Variants in TOP6BL observed in about 807,000 individuals in gnomAD.
TOP6BL encodes type 2 DNA topoisomerase 6 subunit B-like.
chr11:66,842,285 T>A, the TOP6BL span, among the ~76,000 whole-genome samples: 1 of 152,224 alleles, frequency 6.6e-6, no homozygotes, highest in African/African-American at 2.4e-5. Context: ...TTCTCTATTC[T>A]AACCCTGGGC....
At chr11:66,788,465 G>A in the TOP6BL span, among the ~76,000 whole-genome samples, 1 of 152,196 alleles carries the variant, frequency 6.6e-6, no homozygotes, top group Non-Finnish European at 1.5e-5. Flanking sequence ...GTCCCACTCT[G>A]AGTGATTGTG....
At chr11:66,816,487 T>G in the TOP6BL span, among the ~76,000 whole-genome samples, 3 of 152,230 alleles carry the variant, frequency 2.0e-5, no homozygotes, top group African/African-American at 7.2e-5. Flanking sequence ...ATATATTACC[T>G]GGAGAGCATC....
chr11:66,775,362 CAA>C, the TOP6BL span, among the ~76,000 whole-genome samples: 5 of 152,074 alleles, frequency 3.3e-5, no homozygotes, highest in Admixed American at 6.6e-5. Flanking sequence ...GGCTATAAGC[CAA>C]AGTCTGCCTG....
chr11:66,778,695 G>A, the TOP6BL span, among the ~76,000 whole-genome samples: 4 of 152,000 alleles, frequency 2.6e-5, no homozygotes, highest in Non-Finnish European at 5.9e-5. Context: ...AAAAGAACCC[G>A]CATTGCCAAG....
the TOP6BL span, among the ~76,000 whole-genome samples, chr11:66,770,272 C>T: frequency 3.3e-5 from 5 of 152,142 alleles, no homozygotes; most frequent in Non-Finnish European, 5.9e-5. Flanking sequence ...GTTTAAGCTA[C>T]CTAGTTTATG....
At chr11:66,757,628 C>T in the TOP6BL span, among the ~76,000 whole-genome samples, 15 of 152,122 alleles carry the variant, frequency 9.9e-5, no homozygotes, top group African/African-American at 3.1e-4. Flanking sequence ...CTCTTGTTGC[C>T]CAGGCTAGAG....
chr11:66,789,524 C>T, the TOP6BL span, among the ~76,000 whole-genome samples: 1 of 152,100 alleles, frequency 6.6e-6, no homozygotes, highest in Non-Finnish European at 1.5e-5. Context: ...TGTGCCTTAT[C>T]TTCTTTAGGA....
chr11:66,749,286 T>G, the TOP6BL span, among the ~76,000 whole-genome samples: 1 of 152,186 alleles, frequency 6.6e-6, no homozygotes, highest in Non-Finnish European at 1.5e-5. Flanking sequence ...CTGCATGAAC[T>G]GCACTCTGAC....
At chr11:66,831,669 G>T in the TOP6BL span, among the ~76,000 whole-genome samples, 2 of 152,134 alleles carry the variant, frequency 1.3e-5, no homozygotes, top group Non-Finnish European at 2.9e-5. Flanking sequence ...ATTGTGTGAT[G>T]GTTTCACAGG....
the TOP6BL span, chr11:66,838,491 A>G: frequency 6.4e-7 from 1 of 1,554,556 alleles, no homozygotes; most frequent in Non-Finnish European, 8.9e-7. Flanking sequence ...CAGCAGAGGA[A>G]GTAAAAAACG....
the TOP6BL span, among the ~76,000 whole-genome samples, chr11:66,791,398 A>T: frequency 6.6e-6 from 1 of 152,308 alleles, no homozygotes; most frequent in African/African-American, 2.4e-5. Context: ...TTGTAATAAT[A>T]CTAAGTGATC....
At chr11:66,760,722 T>C in the TOP6BL span, among the ~76,000 whole-genome samples, 112 of 149,396 alleles carry the variant, frequency 7.5e-4, 1 homozygote, top group Admixed American at 2.8e-3. Flanking sequence ...GAAGATTGCT[T>C]GAGCCTGGGA....
At chr11:66,768,874 T>C in the TOP6BL span, among the ~76,000 whole-genome samples, 2 of 152,192 alleles carry the variant, frequency 1.3e-5, no homozygotes, top group Admixed American at 1.3e-4. Context: ...ATAGCTCTTA[T>C]TATTAGAGAT....
the TOP6BL span, among the ~76,000 whole-genome samples, chr11:66,837,023 C>A: frequency 6.6e-6 from 1 of 151,416 alleles, no homozygotes; most frequent in Non-Finnish European, 1.5e-5. Flanking sequence ...AAAAAGAGTT[C>A]TTTAATTTGG....
the TOP6BL span, among the ~76,000 whole-genome samples, chr11:66,782,362 A>T: frequency 1.3e-5 from 2 of 152,162 alleles, no homozygotes; most frequent in Non-Finnish European, 2.9e-5. Context: ...GTGGGAAATC[A>T]TATGTAGTCT....
the TOP6BL span, among the ~76,000 whole-genome samples, chr11:66,766,374 G>A: frequency 6.6e-6 from 1 of 152,146 alleles, no homozygotes; most frequent in Admixed American, 6.5e-5. Flanking sequence ...GGATTAATAA[G>A]CAATGACCAT....
At chr11:66,817,010 T>G in the TOP6BL span, among the ~76,000 whole-genome samples, 3 of 151,978 alleles carry the variant, frequency 2.0e-5, no homozygotes, top group Non-Finnish European at 4.4e-5. Context: ...AAAAATTAGC[T>G]GGCATGGTGG....
the TOP6BL span, chr11:66,843,431 G>A: frequency 2.2e-6 from 3 of 1,390,430 alleles, no homozygotes; most frequent in Non-Finnish European, 2.8e-6. Flanking sequence ...CTGCGTCACT[G>A]GTGCGCGCCG....
the TOP6BL span, among the ~76,000 whole-genome samples, chr11:66,797,562 T>G: frequency 6.6e-6 from 1 of 152,062 alleles, no homozygotes; most frequent in South Asian, 2.1e-4. Flanking sequence ...TGGAGTGCAG[T>G]GACTTGATCT....
Sources: allele counts gnomAD v4.1 joint callset (sites outside exome capture counted in the v4.1 genomes callset), GRCh38; gene constraint gnomAD v4.1.1; transcripts MANE v1.5; gene names NCBI Gene and HGNC (gene_info 2026-07-23, HGNC 2026-07-21).